FOXP1: variants seen among roughly 807,000 people sequenced by gnomAD.
The protein encoded by FOXP1 is forkhead box protein P1.
A neutral mutation model predicts 98.2 loss-of-function variants in FOXP1; 15 were observed. That is an observed-to-expected ratio of 0.15 (90% CI 0.10 to 0.24). The LOEUF (loss-of-function observed/expected upper bound fraction) is 0.24. Among genes scored for constraint, FOXP1 ranks in the 10% least tolerant of loss-of-function variants. The pLI, the probability that FOXP1 is intolerant of heterozygous loss-of-function variation, is 1.00. For missense variants in FOXP1, 633 were observed against 848.5 expected (o/e 0.75, Z 3.15); for synonymous variants, 371 against 314.5 (o/e 1.18, Z -1.90).
At chr3:71,316,702 G>T (rs1398022679) in intron 4 of FOXP1, among the ~76,000 whole-genome samples, 2 of 150,076 alleles carry the variant, frequency 1.3e-5, no homozygotes, top group African/African-American at 4.9e-5. Context: ...TCTGTCGCCA[G>T]GCTGGAGCGC....
chr3:71,501,397 C>T (rs1178365545), intron 2 of FOXP1, among the ~76,000 whole-genome samples: 8 of 149,860 alleles, frequency 5.3e-5, no homozygotes, highest in Admixed American at 4.7e-4. Context: ...CTGGTTCAAG[C>T]GATTCTCCTG....
At chr3:71,322,975 T>C (rs1309903849) in intron 4 of FOXP1, among the ~76,000 whole-genome samples, 1 of 150,686 alleles carries the variant, frequency 6.6e-6, no homozygotes, top group Non-Finnish European at 1.5e-5. Context: ...CTCGGTACTT[T>C]TTTTTTTTTT....
In FOXP1 at chr3:70,955,482, C is replaced by G. The variant is rs549034585; in HGVS notation, c.*3765G>C. The G allele has an allele frequency of 1.7e-5, 4 of 232,560 alleles. No homozygotes were observed. The highest frequency in any genetic ancestry group is 3.4e-5 in the Non-Finnish European group (4 of 117,848). The allele number at this position is 232,560 out of a possible 1,614,324, so 14.4% of individuals were successfully genotyped here. A position where few individuals can be genotyped will look rare whatever the true frequency, so the allele number is the denominator to read the frequency against. The stretch of plus-strand genomic sequence containing the variant: ...TCCTCATTCCTGACAGTGCATTTGT[C>G]TGACACACGGGACTACCTCCCTAAT... On this transcript the variant is annotated 3_prime_UTR_variant, in exon 21 of 21. Transcript: ENST00000649528.
At chr3:71,401,869 A>G (rs1300160037) in intron 3 of FOXP1, among the ~76,000 whole-genome samples, 8 of 152,232 alleles carry the variant, frequency 5.3e-5, no homozygotes, top group Admixed American at 4.6e-4. Flanking sequence ...ACCGGGGCCC[A>G]GGCAGCCGTT....
At chr3:71,524,539 TAAAAA>T (rs35974535) in intron 2 of FOXP1, among the ~76,000 whole-genome samples, 1 of 128,904 alleles carries the variant, frequency 7.8e-6, no homozygotes, top group African/African-American at 2.8e-5. Flanking sequence ...AAATAAATCT[TAAAAA>T]AAAAAAAAAA....
intron 7 of FOXP1, among the ~76,000 whole-genome samples, chr3:71,091,228 G>A (rs968173034): frequency 1.8e-4 from 27 of 151,920 alleles, no homozygotes; most frequent in African/African-American, 4.8e-4. Flanking sequence ...GGTGGCTCAC[G>A]TCTGTAACCC....
In FOXP1 at chr3:70,957,191, C is replaced by T. The variant is rs1342024767; in HGVS notation, c.*2056G>A. 4.5e-6 allele frequency: 1 copy of T among 223,958 alleles called. No homozygotes were observed. The highest frequency in any genetic ancestry group is 8.9e-6 in the Non-Finnish European group (1 of 112,246). 13.9% of individuals were successfully genotyped at this position (223,958 alleles called of 1,614,324 possible). ...AGATGGGACTCCCTTCCTTCTGTAG[C>T]TCCTTTAATATTGTGTCCTATTTTT... On this transcript the variant is annotated 3_prime_UTR_variant, in exon 21 of 21. Transcript: ENST00000649528.
rs574763663 is a variant in FOXP1 at position 71,296,694 on chromosome 3, C to G, written c.-12+3126G>C. Among the ~76,000 whole-genome samples the G allele has an allele frequency of 1.3e-4, 19 of 142,142 alleles. No individual in the cohort carries two copies. In the Admixed American group the frequency reaches 1.3e-3, roughly 10 times the overall value. The allele number at this position is 142,142 out of a possible 152,430, so 93.3% of individuals were successfully genotyped here. ...ATGATATACTTTGGAAATGTGTCCC[C>G]TCCAAATCTCCCTCTTGAAATCTGG... On this transcript the variant is annotated intron_variant, in intron 5 of 20. Coordinates refer to ENST00000649528, the MANE Select transcript of FOXP1 (RefSeq NM_001349338.3).
At chr3:71,123,208 C>T (rs1335975640) in intron 6 of FOXP1, among the ~76,000 whole-genome samples, 1 of 152,146 alleles carries the variant, frequency 6.6e-6, no homozygotes, top group Non-Finnish European at 1.5e-5. Context: ...GCAGCAGTGT[C>T]CCCTGATATC....
intron 3 of FOXP1, among the ~76,000 whole-genome samples, chr3:71,400,151 T>A (rs1011749555): frequency 1.3e-5 from 2 of 152,084 alleles, no homozygotes; most frequent in African/African-American, 4.8e-5. Context: ...TAAAAAAAAA[T>A]TTTGGCAAGT....
At chr3:71,421,448 A>G (rs2083640570) in intron 3 of FOXP1, among the ~76,000 whole-genome samples, 2 of 152,242 alleles carry the variant, frequency 1.3e-5, no homozygotes, top group Non-Finnish European at 2.9e-5. Context: ...TTTTTATTCA[A>G]TAAGAACACC....
At chr3:70,962,775 C>T (rs2033851242) in intron 20 of FOXP1, among the ~76,000 whole-genome samples, 1 of 152,040 alleles carries the variant, frequency 6.6e-6, no homozygotes, top group Non-Finnish European at 1.5e-5. Context: ...TCATACAAGA[C>T]CTTGGGGAGG....
At chr3:71,412,653 A>G (rs2082839790) in intron 3 of FOXP1, among the ~76,000 whole-genome samples, 1 of 152,156 alleles carries the variant, frequency 6.6e-6, no homozygotes, top group Admixed American at 6.5e-5. Flanking sequence ...GTAGAAATAA[A>G]AGATATAGAA....
chr3:71,158,489 G>A (rs1401091778), intron 6 of FOXP1, among the ~76,000 whole-genome samples: 1 of 152,134 alleles, frequency 6.6e-6, no homozygotes, highest in East Asian at 1.9e-4. Context: ...CATTTAGGCA[G>A]GGGTGAGCAG....
chr3:71,495,583 T>G (rs2091350133), intron 2 of FOXP1, among the ~76,000 whole-genome samples: 2 of 152,208 alleles, frequency 1.3e-5, no homozygotes, highest in Admixed American at 6.5e-5. Flanking sequence ...CTGGGTATTG[T>G]TTTAAGTCTT....
rs545723868 is a variant in FOXP1, at chr3:70,961,298, T to C, written c.1890-1907A>G. ...CAGGCTGGAGTGCAGTGGCAGGATC[T>C]CGGCTCACTGCAACCTCCAACCCCC... On this transcript the variant is annotated intron_variant, in intron 20 of 20. Transcript: ENST00000649528. 2.6e-4 allele frequency among the ~76,000 whole-genome samples: 39 copies of C among 152,268 alleles called. No individual in the cohort carries two copies. In the South Asian group the frequency reaches 5.2e-3, roughly 20 times the overall value.
chr3:71,170,857 CTCTCT>C (rs1299842853), intron 6 of FOXP1, among the ~76,000 whole-genome samples: 18 of 152,200 alleles, frequency 1.2e-4, no homozygotes, highest in Non-Finnish European at 7.3e-5. Flanking sequence ...CGTCTCTTTC[CTCTCT>C]GAGCTCCAGC....
intron 12 of FOXP1, among the ~76,000 whole-genome samples, chr3:71,007,120 T>G (rs545342028): frequency 9.1e-4 from 139 of 152,200 alleles, no homozygotes; most frequent in African/African-American, 3.3e-3. Context: ...GGGAAAAAAT[T>G]TTTTTTGGTA....
At chr3:71,206,866 G>C (rs2064076870) in intron 5 of FOXP1, among the ~76,000 whole-genome samples, 1 of 152,142 alleles carries the variant, frequency 6.6e-6, no homozygotes, top group South Asian at 2.1e-4. Context: ...GAGTTTAAGT[G>C]CCGTAATCAT....
Sources: allele counts gnomAD v4.1 joint callset (sites outside exome capture counted in the v4.1 genomes callset), GRCh38; gene constraint gnomAD v4.1.1; transcripts MANE v1.5; gene names NCBI Gene and HGNC (gene_info 2026-07-23, HGNC 2026-07-21).